The following KCTD2 variants were observed in gnomAD, a reference collection of about 807,000 sequenced individuals.
The protein encoded by KCTD2 is BTB/POZ domain-containing protein KCTD2.
KCTD2 carries 18 observed loss-of-function variants against 27.9 expected under a neutral mutation model. The observed-to-expected ratio is 0.64, with a 90% CI of 0.45 to 0.96. The LOEUF (loss-of-function observed/expected upper bound fraction) is 0.96. Among genes scored for constraint, KCTD2 ranks in the 40% least tolerant of loss-of-function variants. The pLI is 0.00. For synonymous variants in KCTD2, 175 were observed against 148.4 expected, an observed-to-expected ratio of 1.18 and a Z score of -1.30; for missense variants, 280 against 348.0, an observed-to-expected ratio of 0.80 and a Z score of 1.56.
chr17:75,051,190 GTCTCA>G (rs1274069468), intron 2 of KCTD2, among the ~76,000 whole-genome samples: 1 of 150,386 alleles, frequency 6.6e-6, no homozygotes, highest in Non-Finnish European at 1.5e-5. Flanking sequence ...AGCCAGGATG[GTCTCA>G]TCTCGATCTC....
At chr17:75,052,596 G>A (rs563437333) in intron 2 of KCTD2, among the ~76,000 whole-genome samples, 1 of 152,190 alleles carries the variant, frequency 6.6e-6, no homozygotes, top group African/African-American at 2.4e-5. Context: ...GGTGGCAAGC[G>A]CCTGTAATCC....
At chr17:75,039,994 A>T in intron 3 of KCTD2, 1 of 1,278,626 alleles carries the variant, frequency 7.8e-7, no homozygotes, top group Non-Finnish European at 1.1e-6. Flanking sequence ...TATGGCTGTT[A>T]ACTCTTCCAT....
chr17:75,047,231 G>T lies in KCTD2; in HGVS notation c.-20G>T, dbSNP rs772144503. ...GGCCCGGCTGCGCGCGGGCAGCAGCGGTGGCGGCGGCGGTCCAAGATGGCG... is the reference window on the plus strand; with the variant it reads ...GGCCCGGCTGCGCGCGGGCAGCAGCTGTGGCGGCGGCGGTCCAAGATGGCG... On this transcript the variant is annotated 5_prime_UTR_variant, in exon 1 of 6. Coordinates refer to ENST00000322444, the MANE Select transcript of KCTD2 (RefSeq NM_015353.3). The T allele has an allele frequency of 3.6e-6, 3 of 841,122 alleles. No homozygotes were observed. The highest frequency in any genetic ancestry group is 4.7e-6 in the Non-Finnish European group (3 of 631,972). The allele number at this position is 841,122 out of a possible 1,614,324, so 52.1% of individuals were successfully genotyped here.
At chr17:75,062,699 AACACACACACACACAC>A (rs10533801) in intron 5 of KCTD2, among the ~76,000 whole-genome samples, 51 of 116,068 alleles carry the variant, frequency 4.4e-4, no homozygotes, top group East Asian at 1.3e-3. Context: ...CCTCACCCCC[AACACACACACACACAC>A]ACACACACAC....
At chr17:75,049,604 A>G (rs1051056978) in intron 2 of KCTD2, among the ~76,000 whole-genome samples, 6 of 152,220 alleles carry the variant, frequency 3.9e-5, no homozygotes, top group Admixed American at 3.3e-4. Flanking sequence ...CAGAATTGTC[A>G]CGATCCTTTT....
At chr17:75,042,199 C>A in intron 3 of KCTD2, 1 of 1,614,024 alleles carries the variant, frequency 6.2e-7, no homozygotes, top group Admixed American at 1.7e-5. Context: ...CAAAGTCATC[C>A]ACCAAGCCAG....
upstream of KCTD2, chr17:75,047,154 G>A (rs977296211): frequency 3.1e-6 from 1 of 323,466 alleles, no homozygotes; most frequent in Non-Finnish European, 5.2e-6. Flanking sequence ...TCTCCCCTCT[G>A]CCCCACCCCC....
intron 3 of KCTD2, chr17:75,040,430 G>T (rs2073147341): frequency 4.5e-6 from 2 of 447,576 alleles, no homozygotes; most frequent in Admixed American, 7.9e-5. Flanking sequence ...ATGATGATAA[G>T]CTTCATTTTC....
At chr17:75,041,024 G>A (rs1228200235) in intron 3 of KCTD2, 2 of 152,092 alleles carry the variant, frequency 1.3e-5, no homozygotes, top group Non-Finnish European at 2.9e-5. Context: ...AATATCAGAG[G>A]AGGATAGATG....
intron 3 of KCTD2, among the ~76,000 whole-genome samples, chr17:75,053,509 C>T (rs928283473): frequency 6.6e-5 from 10 of 152,024 alleles, no homozygotes; most frequent in African/African-American, 1.9e-4. Flanking sequence ...GGTGCAATCT[C>T]GGCTCACTGC....
rs902721800 is a variant in KCTD2, at chr17:75,038,554, T to C, written c.-259+3197T>C. 7.1e-4 allele frequency among the ~76,000 whole-genome samples: 108 copies of C among 152,348 alleles called. 1 individual carries two copies. Among genetic ancestry groups the C allele is most frequent in the African/African-American group, 2.5e-3 (106 of 41,574 alleles). On this transcript the variant is annotated intron_variant, in intron 3 of 7. Coordinates refer to the KCTD2 transcript ENST00000581589. ...ACCAGCTGTTCTTGTGACTTACTAATGGACAAGCAGGAGCACTCCCTTGGA... is the reference window on the plus strand; with the variant it reads ...ACCAGCTGTTCTTGTGACTTACTAACGGACAAGCAGGAGCACTCCCTTGGA...
At chr17:75,035,860 A>C (rs779022349) in intron 3 of KCTD2, among the ~76,000 whole-genome samples, 3 of 151,738 alleles carry the variant, frequency 2.0e-5, no homozygotes, top group Non-Finnish European at 4.4e-5. Flanking sequence ...AACAAACAAA[A>C]AACTCCAGTC....
intron 3 of KCTD2, 76 bp downstream of exon 3, chr17:75,053,181 G>T (rs1222835081): frequency 8.7e-7 from 1 of 1,143,372 alleles, no homozygotes; most frequent in East Asian, 2.5e-5. Flanking sequence ...TGAAAAGGAT[G>T]CCTTTACCCT....
In KCTD2 at chr17:75,051,270, G is replaced by T. The variant is rs186967097; in HGVS notation, c.449-1744G>T. On this transcript the variant is annotated intron_variant, in intron 2 of 5. Transcript: ENST00000322444. The stretch of plus-strand genomic sequence containing the variant: ...TGGGATTACAGACATGAGCCACCGC[G>T]CCCGACCTTTTTTTTTTTTTTTTTT... Among the ~76,000 whole-genome samples the T allele has an allele frequency of 1.4e-3, 193 of 137,938 alleles. 2 individuals carry two copies. In the East Asian group the frequency reaches 0.027, roughly 19 times the overall value. 90.5% of individuals were successfully genotyped at this position (137,938 alleles called of 152,430 possible). A position where few individuals can be genotyped will look rare whatever the true frequency, so the allele number is the denominator to read the frequency against.
intron 3 of KCTD2, chr17:75,039,280 A>T: frequency 6.2e-7 from 1 of 1,613,926 alleles, no homozygotes; most frequent in Non-Finnish European, 8.5e-7. Context: ...ACCTTTAAGA[A>T]GAAAGAGAAA....
chr17:75,062,118 A>G lies in KCTD2; in HGVS notation c.637-2A>G. On this transcript the variant is annotated splice_acceptor_variant, in intron 4 of 5. Coordinates refer to ENST00000322444, the MANE Select transcript of KCTD2 (RefSeq NM_015353.3). LOFTEE classifies it high-confidence loss of function. ...ATGTTCACTGTATTCTTGGTTCATC[A>G]GCTCATCAGCATCGGATCTTCCTAT... 1 of 1,614,046 alleles carries G rather than the reference A, an allele frequency of 6.2e-7. No homozygotes were observed. The highest frequency in any genetic ancestry group is 8.5e-7 in the Non-Finnish European group (1 of 1,179,964).
At chr17:75,054,012 T>C (rs899148560) in intron 3 of KCTD2, among the ~76,000 whole-genome samples, 2 of 151,712 alleles carry the variant, frequency 1.3e-5, no homozygotes, top group African/African-American at 4.8e-5. Flanking sequence ...TATGATGGTG[T>C]CTTGATTTTG....
At chr17:75,054,739 G>T (rs1165159768) in intron 3 of KCTD2, among the ~76,000 whole-genome samples, 1 of 151,976 alleles carries the variant, frequency 6.6e-6, no homozygotes, top group African/African-American at 2.4e-5. Context: ...CCCAGGAGGC[G>T]GAGCTTGTAG....
At chr17:75,058,893 C>G (rs1216228957) in intron 3 of KCTD2, among the ~76,000 whole-genome samples, 1 of 151,754 alleles carries the variant, frequency 6.6e-6, no homozygotes, top group Non-Finnish European at 1.5e-5. Context: ...GTCAGGAGAT[C>G]GAGACCATCC....
Sources: gnomAD v4.1 joint callset for allele counts (sites outside exome capture counted in the v4.1 genomes callset) on GRCh38, gnomAD v4.1.1 for gene constraint, MANE v1.5 for transcripts, NCBI Gene and HGNC (gene_info 2026-07-23, HGNC 2026-07-21) for gene names.